SEC14L5: variants seen among roughly 807,000 people sequenced by gnomAD.
SEC14L5 encodes the protein SEC14-like protein 5.
A neutral mutation model predicts 84.6 loss-of-function variants in SEC14L5; 96 were observed. That is an observed-to-expected ratio of 1.13 (90% CI 0.96 to 1.34). The LOEUF (loss-of-function observed/expected upper bound fraction) is 1.34. SEC14L5 is among the 40% of genes most tolerant of loss of function. The probability of loss-of-function intolerance (pLI) is 0.00; values close to 1 mark genes in which losing one functional copy is unlikely to be tolerated. For missense variants in SEC14L5, 1,224 were observed against 942.5 expected, an observed-to-expected ratio of 1.30 and a Z score of -3.91; for synonymous variants, 546 against 383.4, an observed-to-expected ratio of 1.42 and a Z score of -4.95.
intron 3 of SEC14L5, 35 bp from the exon 4 acceptor site, chr16:4,988,114 C>A: frequency 1.2e-6 from 2 of 1,610,842 alleles, no homozygotes; most frequent in South Asian, 1.1e-5. Context: ...CCACGCCGCC[C>A]ACCCACCTCC....
chr16:5,014,487 C>G (rs539422984), intron 15 of SEC14L5, among the ~76,000 whole-genome samples: 22 of 152,364 alleles, frequency 1.4e-4, no homozygotes, highest in African/African-American at 5.0e-4. Context: ...GCCTCAGGCT[C>G]AGCGCACACG....
chr16:5,009,649 ACT>A (rs956450885), intron 14 of SEC14L5, among the ~76,000 whole-genome samples: 4 of 151,574 alleles, frequency 2.6e-5, no homozygotes, highest in African/African-American at 9.7e-5. Context: ...AACCACAAAG[ACT>A]CTATTTCCAG....
chr16:4,963,156 GGCTTGAGTAATTGATTACAAAATTGT>G (rs1307427031), intron 2 of SEC14L5, among the ~76,000 whole-genome samples: 1 of 152,086 alleles, frequency 6.6e-6, no homozygotes, highest in African/African-American at 2.4e-5. Flanking sequence ...ACTGAAATTG[GGCTTGAGTAATTGATTACAAAATTGT>G]GCTTTGAGGT....
chr16:4,987,731 C>T (rs1246831513), intron 3 of SEC14L5, 25 bp downstream of exon 3: 2 of 1,340,270 alleles, frequency 1.5e-6, no homozygotes. Flanking sequence ...GGCTGGGGGG[C>T]GGAGGAGGGG....
At chr16:4,997,078 T>A (rs377043936) in intron 8 of SEC14L5, 34 bp downstream of exon 8, 2 of 1,506,048 alleles carry the variant, frequency 1.3e-6, no homozygotes, top group African/African-American at 2.8e-5. Context: ...GTATAGGGCA[T>A]ACTTTGGTCA....
At chr16:5,013,122 GC>G (rs1421239792) in intron 15 of SEC14L5, among the ~76,000 whole-genome samples, 1 of 152,018 alleles carries the variant, frequency 6.6e-6, no homozygotes, top group Non-Finnish European at 1.5e-5. Context: ...GGGGGAAACT[GC>G]CCCCATGATC....
Position 5,007,390 on chromosome 16 carries a change from C to G in SEC14L5, c.1476C>G (p.Leu492=), listed in dbSNP as rs770345985. The change falls in exon 13 of 16, where the codon CTC becomes CTG. Residue 492 remains leucine (L), a synonymous_variant. Coordinates refer to ENST00000251170, the MANE Select transcript of SEC14L5 (RefSeq NM_014692.2). ...AAGGAGGGCTGGTCCCCAAGTCCCT[C>G]TACATGACAGAAGAGGAGCAGGAGC... ...VPEGGLVPKS[L]YMTEEEQEHT... 6 of 1,613,756 alleles carry G rather than the reference C, an allele frequency of 3.7e-6. No individual in the cohort carries two copies. Among genetic ancestry groups the G allele is most frequent in the Non-Finnish European group, 5.1e-6 (6 of 1,179,838 alleles).
chr16:4,960,921 A>C (rs932770603), intron 2 of SEC14L5, among the ~76,000 whole-genome samples: 1 of 152,150 alleles, frequency 6.6e-6, no homozygotes, highest in Admixed American at 6.6e-5. Context: ...ACGTGAATTC[A>C]GATGCTTTAG....
At chr16:5,002,804 G>T (rs913788317) in intron 10 of SEC14L5, among the ~76,000 whole-genome samples, 3 of 152,180 alleles carry the variant, frequency 2.0e-5, no homozygotes, top group Admixed American at 6.5e-5. Flanking sequence ...GGCAGAACTG[G>T]GATTTGAACC....
At chr16:4,990,922 G>T (rs1164670191) in intron 5 of SEC14L5, 27 bp downstream of exon 5, 2 of 1,532,482 alleles carry the variant, frequency 1.3e-6, no homozygotes, top group Non-Finnish European at 1.8e-6. Context: ...GTTAGTTACT[G>T]GAGGAAGGTG....
At position 4,988,279 on chromosome 16, in the gene SEC14L5, C is replaced by T. The variant is rs1448561720; in HGVS notation, c.344C>T (p.Thr115Met). 10 of 1,613,590 alleles carry T rather than the reference C, an allele frequency of 6.2e-6. No homozygotes were observed. In the East Asian group the frequency reaches 1.6e-4, roughly 25 times the overall value. Residue 115 changes from threonine to methionine, a missense_variant and splice_region_variant, in exon 4 of 16, where the codon ACG becomes ATG. By Grantham distance (81) the Thr-to-Met change is moderately conservative. Coordinates refer to ENST00000251170, the MANE Select transcript of SEC14L5 (RefSeq NM_014692.2). ...RVVVNEHCSY[T>M]VHPENEDWTC... Reference sequence around the variant, plus strand: ...GTGGTGAACGAGCACTGCAGCTACACGGTGAGCCCAGGCCACCCTCAGCGC... The same window carrying T: ...GTGGTGAACGAGCACTGCAGCTACATGGTGAGCCCAGGCCACCCTCAGCGC...
At chr16:5,006,187 G>A in intron 12 of SEC14L5, 139 bp downstream of exon 12, 1 of 826,688 alleles carries the variant, frequency 1.2e-6, no homozygotes, top group Non-Finnish European at 1.9e-6. Context: ...GGCAGGTCTT[G>A]CTGGCTCTCA....
intron 2 of SEC14L5, among the ~76,000 whole-genome samples, chr16:4,966,185 G>C (rs1028704689): frequency 6.6e-6 from 1 of 151,182 alleles, no homozygotes; most frequent in Non-Finnish European, 1.5e-5. Flanking sequence ...CCAGGATGGT[G>C]TCAATCTCCT....
chr16:4,970,109 G>T (rs1568107301), intron 2 of SEC14L5, among the ~76,000 whole-genome samples: 1 of 152,186 alleles, frequency 6.6e-6, no homozygotes, highest in African/African-American at 2.4e-5. Flanking sequence ...ACTGCACCTG[G>T]CCCATCTGGT....
chr16:4,978,080 G>A (rs1251511150), intron 2 of SEC14L5, among the ~76,000 whole-genome samples: 1 of 148,034 alleles, frequency 6.8e-6, no homozygotes, highest in Non-Finnish European at 1.5e-5. Context: ...GGGAGGATAG[G>A]TGTGAGCCAC....
rs1221054965 is a variant in SEC14L5 at position 5,018,570 on chromosome 16, G to C, written c.*3600G>C. 2.6e-5 allele frequency: 4 copies of C among 152,154 alleles called. No homozygotes were observed. Among genetic ancestry groups the C allele is most frequent in the African/African-American group, 9.7e-5 (4 of 41,420 alleles). 9.4% of individuals were successfully genotyped at this position (152,154 alleles called of 1,614,324 possible). A position where few individuals can be genotyped will look rare whatever the true frequency, so the allele number is the denominator to read the frequency against. The stretch of plus-strand genomic sequence containing the variant: ...TAGTCTCAGCTGCTCGGGAGGCTGA[G>C]GCAGAAGGATTGCTTGGAGGTCAAG... On this transcript the variant is annotated 3_prime_UTR_variant, in exon 16 of 16. Coordinates refer to ENST00000251170, the MANE Select transcript of SEC14L5 (RefSeq NM_014692.2).
At chr16:4,977,446 C>CAAAAAAAAAAAAAAAAAAAAAAAAAAA (rs762657125) in intron 2 of SEC14L5, among the ~76,000 whole-genome samples, 1 of 66,142 alleles carries the variant, frequency 1.5e-5, no homozygotes, top group African/African-American at 6.6e-5. Flanking sequence ...GACTCCGTCT[C>CAAAAAAAAAAAAAAAAAAAAAAAAAAA]AAAAAAAAAA....
At chr16:4,961,395 C>A (rs1019587437) in intron 2 of SEC14L5, among the ~76,000 whole-genome samples, 2 of 152,204 alleles carry the variant, frequency 1.3e-5, no homozygotes, top group Non-Finnish European at 2.9e-5. Flanking sequence ...GTGGTGCCAT[C>A]TTGGCTCACT....
In SEC14L5 at chr16:4,996,917, C is replaced by A; in HGVS notation, c.843C>A (p.Ala281=). The change falls in exon 8 of 16, where the codon GCC becomes GCA. Residue 281 remains alanine (A), a synonymous_variant. Transcript: ENST00000251170. ...CTCATGACTTCCACCTGGACAAGGC[C>A]CGGGAAATGCTGCGCCAGTCCTTGA... is the stretch of plus-strand genomic sequence containing the variant. The part of the protein sequence containing the change: ...LRAHDFHLDK[A]REMLRQSLSW... 1 of 1,613,726 alleles carries A rather than the reference C, an allele frequency of 6.2e-7. No individual in the cohort carries two copies. The highest frequency in any genetic ancestry group is 8.5e-7 in the Non-Finnish European group (1 of 1,179,804).
Sources: allele counts gnomAD v4.1 joint callset (sites outside exome capture counted in the v4.1 genomes callset), GRCh38; gene constraint gnomAD v4.1.1; transcripts MANE v1.5; gene names NCBI Gene and HGNC (gene_info 2026-07-23, HGNC 2026-07-21).